The following RARB variants were observed in gnomAD, a reference collection of about 807,000 sequenced individuals.
RARB encodes the protein retinoic acid receptor beta.
RARB carries 17 observed loss-of-function variants against 51.9 expected under a neutral mutation model. The observed-to-expected ratio is 0.33, with a 90% confidence interval of 0.22 to 0.49. The LOEUF (loss-of-function observed/expected upper bound fraction) is 0.49, where lower values mean the gene tolerates loss of function less well. RARB is among the 20% of genes least tolerant of loss of function. The pLI is 0.99. For missense variants in RARB, 369 were observed against 550.8 expected (o/e 0.67, Z 3.30); for synonymous variants, 215 against 195.4 (o/e 1.10, Z -0.84).
rs2125334887 is a variant in RARB at position 25,597,813 on chromosome 3, C to CTT, written c.*1199_*1200dup. 1 of 152,156 alleles carries CTT rather than the reference C, an allele frequency of 6.6e-6. No homozygotes were observed. The highest frequency in any genetic ancestry group is 2.1e-4 in the South Asian group (1 of 4,812). 9.4% of individuals were successfully genotyped at this position (152,156 alleles called of 1,614,324 possible). A position where few individuals can be genotyped will look rare whatever the true frequency, so the allele number is the denominator to read the frequency against. On this transcript the variant is annotated 3_prime_UTR_variant, in exon 8 of 8. Transcript: ENST00000330688. ...GATATATTAGCAAGTCTGTGATGTA[C>CTT]TTTCACTGGCTCTGTTTGTACATTG...
intron 5 of RARB, among the ~76,000 whole-genome samples, chr3:25,386,562 G>T (rs934713905): frequency 6.6e-6 from 1 of 152,226 alleles, no homozygotes; most frequent in Non-Finnish European, 1.5e-5. Flanking sequence ...TGAGATGAAA[G>T]TATCCTGGAT....
chr3:24,956,773 G>A (rs2125408807), intron 2 of RARB, among the ~76,000 whole-genome samples: 1 of 152,280 alleles, frequency 6.6e-6, no homozygotes, highest in Middle Eastern at 3.4e-3. Flanking sequence ...AAAGGCTTAG[G>A]AAGTGAACTT....
At chr3:25,540,390 C>T (rs1408333393) in intron 3 of RARB, among the ~76,000 whole-genome samples, 5 of 152,202 alleles carry the variant, frequency 3.3e-5, no homozygotes, top group African/African-American at 1.2e-4. Context: ...GTCCACACCT[C>T]GGGGTATGGT....
intron 5 of RARB, among the ~76,000 whole-genome samples, chr3:25,274,224 T>C (rs1221714692): frequency 6.6e-6 from 1 of 152,228 alleles, no homozygotes; most frequent in Non-Finnish European, 1.5e-5. Flanking sequence ...GCATAAAAAT[T>C]AACTAGTATA....
rs567585471 is a variant in RARB at position 25,230,065 on chromosome 3, T to C, written c.178+55490T>C. 3.9e-5 allele frequency among the ~76,000 whole-genome samples: 6 copies of C among 152,228 alleles called. No homozygotes were observed. In the East Asian group the frequency reaches 1.2e-3, roughly 29 times the overall value. On this transcript the variant is annotated intron_variant, in intron 5 of 11. Coordinates refer to the RARB transcript ENST00000383772. ...AAATAAAAATAAATAATGAATGAAG[T>C]ATGCTTATACTGAAGTTTTAGCCTA...
At chr3:25,341,969 C>T (rs1388398983) in intron 5 of RARB, among the ~76,000 whole-genome samples, 1 of 152,298 alleles carries the variant, frequency 6.6e-6, no homozygotes, top group Middle Eastern at 3.4e-3. Flanking sequence ...GTATCTGTCT[C>T]TTCCACTAAA....
intron 5 of RARB, among the ~76,000 whole-genome samples, chr3:25,207,906 C>T (rs749448050): frequency 6.6e-6 from 1 of 151,998 alleles, no homozygotes; most frequent in Non-Finnish European, 1.5e-5. Context: ...GTTGTACAAG[C>T]GTGGTGCTGG....
chr3:25,051,532 G>A (rs1400221630), intron 2 of RARB, among the ~76,000 whole-genome samples: 1 of 151,264 alleles, frequency 6.6e-6, no homozygotes, highest in Non-Finnish European at 1.5e-5. Flanking sequence ...CTTTGAATTA[G>A]TAAAGGAAAA....
intron 2 of RARB, among the ~76,000 whole-genome samples, chr3:24,861,218 T>C (rs928539307): frequency 2.0e-5 from 3 of 152,150 alleles, no homozygotes; most frequent in African/African-American, 7.2e-5. Flanking sequence ...GGCATTACAT[T>C]GTATTAGGTA....
chr3:25,401,901 T>C (rs904408699), intron 5 of RARB, among the ~76,000 whole-genome samples: 1 of 152,148 alleles, frequency 6.6e-6, no homozygotes, highest in African/African-American at 2.4e-5. Flanking sequence ...CTCAGCCTCC[T>C]GAGTAGTTGG....
chr3:25,322,064 C>G (rs1392229116), intron 5 of RARB, among the ~76,000 whole-genome samples: 1 of 151,904 alleles, frequency 6.6e-6, no homozygotes, highest in Admixed American at 6.6e-5. Context: ...GCATTATAAG[C>G]AACAGCAATC....
chr3:25,491,497 G>A (rs1014248677), intron 2 of RARB, among the ~76,000 whole-genome samples: 3 of 152,038 alleles, frequency 2.0e-5, no homozygotes, highest in African/African-American at 2.4e-5. Context: ...AGAGAAGAGA[G>A]ACTATCCGAG....
At chr3:25,188,765 A>T (rs1701032996) in intron 5 of RARB, among the ~76,000 whole-genome samples, 1 of 151,774 alleles carries the variant, frequency 6.6e-6, no homozygotes, top group Non-Finnish European at 1.5e-5. Flanking sequence ...AATAGATAAT[A>T]TGAGGTATTT....
chr3:25,244,297 G>C (rs889169329), intron 5 of RARB, among the ~76,000 whole-genome samples: 13 of 116,338 alleles, frequency 1.1e-4, no homozygotes, highest in African/African-American at 4.7e-4. Flanking sequence ...TGAAGAGTTT[G>C]TGTCTTTATC....
chr3:25,588,389 G>A (rs1173741425), intron 5 of RARB, among the ~76,000 whole-genome samples: 3 of 152,234 alleles, frequency 2.0e-5, no homozygotes, highest in African/African-American at 7.2e-5. Context: ...GAGCCGGTAG[G>A]TGCTGGAAAT....
At chr3:25,273,779 A>G (rs1385325866) in intron 5 of RARB, among the ~76,000 whole-genome samples, 1 of 152,232 alleles carries the variant, frequency 6.6e-6, no homozygotes, top group Non-Finnish European at 1.5e-5. Context: ...ACTGTGACAG[A>G]TATTTCACTT....
At chr3:24,977,213 C>A (rs1413939840) in intron 2 of RARB, among the ~76,000 whole-genome samples, 4 of 152,058 alleles carry the variant, frequency 2.6e-5, no homozygotes, top group African/African-American at 9.7e-5. Flanking sequence ...CAGCTTTGTT[C>A]CTTTTGCTCA....
Position 25,201,339 on chromosome 3 carries a change from A to T in RARB, c.178+26764A>T, listed in dbSNP as rs533767599. On this transcript the variant is annotated intron_variant, in intron 5 of 11. Coordinates refer to the RARB transcript ENST00000383772. Reference sequence around the variant, plus strand: ...CTTAAGGCGATTTTGGGCTGAGACGATGGGGTTTTCTAGATATACAATCAT... The same window carrying T: ...CTTAAGGCGATTTTGGGCTGAGACGTTGGGGTTTTCTAGATATACAATCAT... Among the ~76,000 whole-genome samples the T allele has an allele frequency of 1.8e-4, 27 of 152,204 alleles. No individual in the cohort carries two copies. The South Asian group carries it at 5.2e-3, about 29-fold the overall frequency.
intron 2 of RARB, among the ~76,000 whole-genome samples, chr3:24,906,160 G>T: frequency 6.6e-6 from 1 of 152,208 alleles, no homozygotes; most frequent in East Asian, 1.9e-4. Context: ...ATGAGGAGGG[G>T]ATGTCGTGGC....
Sources: gnomAD v4.1 joint callset for allele counts (sites outside exome capture counted in the v4.1 genomes callset) on GRCh38, gnomAD v4.1.1 for gene constraint, MANE v1.5 for transcripts, NCBI Gene and HGNC (gene_info 2026-07-23, HGNC 2026-07-21) for gene names.